Variants in EPHA6 observed in about 807,000 individuals in gnomAD.
The protein encoded by EPHA6 is ephrin type-A receptor 6.
A neutral mutation model predicts 112.0 loss-of-function variants in EPHA6; 50 were observed. The observed-to-expected ratio is 0.45, with a 90% CI of 0.36 to 0.56. The LOEUF (loss-of-function observed/expected upper bound fraction) is 0.56. Ranked by LOEUF, EPHA6 falls within the 20% of genes least tolerant of loss-of-function variation. The probability of loss-of-function intolerance (pLI) is 0.00; values close to 1 mark genes in which losing one functional copy is unlikely to be tolerated. For missense variants in EPHA6, 1,280 were observed against 1,417.4 expected (o/e 0.90, Z 1.56); for synonymous variants, 529 against 490.7 (o/e 1.08, Z -1.03).
At chr3:97,710,374 T>A (rs1198689520) in intron 14 of EPHA6, among the ~76,000 whole-genome samples, 1 of 152,172 alleles carries the variant, frequency 6.6e-6, no homozygotes, top group East Asian at 1.9e-4. Context: ...AACCAATATA[T>A]CACAACACTA....
intron 3 of EPHA6, among the ~76,000 whole-genome samples, chr3:97,147,598 T>G (rs1221762682): frequency 6.6e-6 from 1 of 152,126 alleles, no homozygotes; most frequent in Admixed American, 6.6e-5. Context: ...AGTAAATAAA[T>G]ATAATGTTTA....
intron 16 of EPHA6, among the ~76,000 whole-genome samples, chr3:97,743,279 C>A (rs1194351593): frequency 6.7e-6 from 1 of 150,210 alleles, no homozygotes; most frequent in Non-Finnish European, 1.5e-5. Flanking sequence ...ATATTCAAGT[C>A]TGAGTCATCA....
chr3:97,386,665 C>G (rs2086087938), intron 5 of EPHA6, among the ~76,000 whole-genome samples: 1 of 152,186 alleles, frequency 6.6e-6, no homozygotes, highest in Non-Finnish European at 1.5e-5. Context: ...TGGGTCTACT[C>G]TTCTGGGGTC....
chr3:97,017,324 C>A (rs1184131126), intron 3 of EPHA6, among the ~76,000 whole-genome samples: 1 of 152,170 alleles, frequency 6.6e-6, no homozygotes, highest in African/African-American at 2.4e-5. Context: ...AACTGTGAGG[C>A]ATTGCATTGA....
intron 14 of EPHA6, among the ~76,000 whole-genome samples, chr3:97,670,319 GT>G (rs2030676079): frequency 6.6e-6 from 1 of 152,154 alleles, no homozygotes; most frequent in Non-Finnish European, 1.5e-5. Flanking sequence ...GGTATCCGTA[GT>G]CAAAATTGGG....
chr3:97,424,025 G>A (rs965920389), intron 6 of EPHA6, among the ~76,000 whole-genome samples: 2 of 152,190 alleles, frequency 1.3e-5, no homozygotes, highest in African/African-American at 2.4e-5. Flanking sequence ...TTGAGACTGG[G>A]TAATTTATAA....
intron 5 of EPHA6, among the ~76,000 whole-genome samples, chr3:97,367,063 G>C (rs1429995656): frequency 6.6e-6 from 1 of 152,148 alleles, no homozygotes; most frequent in African/African-American, 2.4e-5. Flanking sequence ...AAGATATGTA[G>C]CTGATAAGGA....
At chr3:97,005,336 C>T (rs2107920192) in intron 3 of EPHA6, among the ~76,000 whole-genome samples, 1 of 152,164 alleles carries the variant, frequency 6.6e-6, no homozygotes, top group Admixed American at 6.5e-5. Context: ...CTTCATATCC[C>T]TTGTTAGCTG....
intron 3 of EPHA6, among the ~76,000 whole-genome samples, chr3:97,160,757 C>A: frequency 6.6e-6 from 1 of 152,134 alleles, no homozygotes; most frequent in South Asian, 2.1e-4. Flanking sequence ...TCCTTTCCAG[C>A]AAAGTGAATA....
At chr3:96,862,963 A>T (rs760216937) in intron 1 of EPHA6, among the ~76,000 whole-genome samples, 1 of 151,958 alleles carries the variant, frequency 6.6e-6, no homozygotes, top group African/African-American at 2.4e-5. Context: ...TATGCTGAAA[A>T]TTTTTTTCTA....
intron 2 of EPHA6, among the ~76,000 whole-genome samples, chr3:96,912,143 C>T (rs1288519044): frequency 1.3e-5 from 2 of 152,070 alleles, no homozygotes; most frequent in Non-Finnish European, 2.9e-5. Context: ...TGTCAGTTTA[C>T]AGCATTACAA....
intron 10 of EPHA6, among the ~76,000 whole-genome samples, chr3:97,500,104 T>A (rs1171686729): frequency 6.6e-6 from 1 of 152,150 alleles, no homozygotes; most frequent in Non-Finnish European, 1.5e-5. Flanking sequence ...ATTTTTAAAT[T>A]GTTTTGTTAC....
chr3:96,877,584 C>T (rs1386982252), intron 2 of EPHA6, among the ~76,000 whole-genome samples: 10 of 149,398 alleles, frequency 6.7e-5, no homozygotes, highest in Non-Finnish European at 1.0e-4. Context: ...ATAGATGGAC[C>T]GCAAATTTTA....
intron 13 of EPHA6, among the ~76,000 whole-genome samples, chr3:97,627,503 G>T (rs2093868390): frequency 6.6e-6 from 1 of 151,842 alleles, no homozygotes; most frequent in Admixed American, 6.6e-5. Flanking sequence ...GTAATAGCAA[G>T]TGCCAGTTCT....
At chr3:97,136,569 TA>T (rs892330730) in intron 3 of EPHA6, among the ~76,000 whole-genome samples, 1 of 151,110 alleles carries the variant, frequency 6.6e-6, no homozygotes, top group African/African-American at 2.4e-5. Context: ...CAATTAAAGA[TA>T]AAAAAAATAG....
At chr3:97,474,840 G>A (rs1008089991) in intron 7 of EPHA6, among the ~76,000 whole-genome samples, 5 of 151,882 alleles carry the variant, frequency 3.3e-5, no homozygotes, top group East Asian at 1.9e-4. Flanking sequence ...GTATATCCTC[G>A]TGCTGTGGAG....
At chr3:97,713,137 A>T (rs1461202844) in intron 14 of EPHA6, among the ~76,000 whole-genome samples, 1 of 152,200 alleles carries the variant, frequency 6.6e-6, no homozygotes, top group Non-Finnish European at 1.5e-5. Context: ...TAATGGAAAT[A>T]GGTCAAGTGT....
intron 5 of EPHA6, among the ~76,000 whole-genome samples, chr3:97,361,353 C>G (rs1022317551): frequency 3.9e-5 from 6 of 152,154 alleles, no homozygotes; most frequent in African/African-American, 9.6e-5. Context: ...TTTTAACACA[C>G]AGATGTAAAT....
At chr3:97,078,588 G>T (rs1456507774) in intron 3 of EPHA6, among the ~76,000 whole-genome samples, 3 of 152,122 alleles carry the variant, frequency 2.0e-5, no homozygotes, top group Non-Finnish European at 4.4e-5. Context: ...GTAAGGAAGG[G>T]ATCCAGTTTC....
Sources: gnomAD v4.1 joint callset for allele counts (sites outside exome capture counted in the v4.1 genomes callset) on GRCh38, gnomAD v4.1.1 for gene constraint, MANE v1.5 for transcripts, NCBI Gene and HGNC (gene_info 2026-07-23, HGNC 2026-07-21) for gene names.